Variants in PHF2 observed in about 807,000 individuals in gnomAD.
PHF2 encodes the protein lysine-specific demethylase PHF2.
A neutral mutation model predicts 120.5 loss-of-function variants in PHF2; 27 were observed. That is an observed-to-expected ratio of 0.22 (90% CI 0.17 to 0.31). The LOEUF (loss-of-function observed/expected upper bound fraction) is 0.31, where lower values mean the gene tolerates loss of function less well. PHF2 is among the 10% of genes least tolerant of loss of function. The pLI, the probability that PHF2 is intolerant of heterozygous loss-of-function variation, is 1.00. For synonymous variants in PHF2, 568 were observed against 592.5 expected, an observed-to-expected ratio of 0.96 and a Z score of 0.60; for missense variants, 1,024 against 1,434.8, an observed-to-expected ratio of 0.71 and a Z score of 4.63.
chr9:93,633,850 C>T (rs538630337), intron 2 of PHF2, among the ~76,000 whole-genome samples: 1 of 152,280 alleles, frequency 6.6e-6, no homozygotes, highest in Non-Finnish European at 1.5e-5. Flanking sequence ...CCCCTGCTGG[C>T]TCCCCTCCGT....
intron 1 of PHF2, among the ~76,000 whole-genome samples, chr9:93,591,250 T>C (rs767551303): frequency 3.9e-5 from 6 of 152,240 alleles, no homozygotes; most frequent in Non-Finnish European, 7.3e-5. Flanking sequence ...TTCCTGATCA[T>C]AGTTTCTTCT....
chr9:93,674,693 T>C lies in PHF2; in HGVS notation c.2627-234T>C, dbSNP rs1407424120. On this transcript the variant is annotated intron_variant, in intron 18 of 21. Coordinates refer to ENST00000359246, the MANE Select transcript of PHF2 (RefSeq NM_005392.4). ...TGGGCAGGTAGATGCAGGTGCCTTC[T>C]TGTCTGGAGAGTCCCTGCCCCTCTG... Among the ~76,000 whole-genome samples the C allele has an allele frequency of 7.9e-5, 12 of 152,116 alleles. 1 individual carries two copies. Among genetic ancestry groups the C allele is most frequent in the Admixed American group, 7.9e-4 (12 of 15,284 alleles).
intron 1 of PHF2, among the ~76,000 whole-genome samples, chr9:93,590,733 G>A (rs1220028440): frequency 6.6e-6 from 1 of 152,230 alleles, no homozygotes; most frequent in African/African-American, 2.4e-5. Context: ...CTGCAGGCTT[G>A]CTGGGGCCAC....
At chr9:93,578,902 AT>A (rs1201402531) in intron 1 of PHF2, among the ~76,000 whole-genome samples, 1 of 152,154 alleles carries the variant, frequency 6.6e-6, no homozygotes, top group African/African-American at 2.4e-5. Flanking sequence ...ATTCTCACCT[AT>A]TTGGGGTGGC....
intron 9 of PHF2, 82 bp from the exon 10 acceptor site, chr9:93,658,063 C>A: frequency 1.1e-6 from 1 of 893,496 alleles, no homozygotes; most frequent in Non-Finnish European, 1.8e-6. Context: ...CCTGGCATCC[C>A]CCGGTCTGGC....
intron 4 of PHF2, 69 bp from the exon 5 acceptor site, chr9:93,649,002 C>T: frequency 6.6e-7 from 1 of 1,525,390 alleles, no homozygotes; most frequent in Non-Finnish European, 8.9e-7. Flanking sequence ...GTCCACTCCA[C>T]ACGTCCTGGC....
intron 1 of PHF2, among the ~76,000 whole-genome samples, chr9:93,597,309 G>A (rs1032281874): frequency 6.6e-6 from 1 of 152,154 alleles, no homozygotes; most frequent in African/African-American, 2.4e-5. Context: ...GGCATTCAGG[G>A]TCTTTGGTCT....
At chr9:93,616,154 G>A (rs1304771980) in intron 1 of PHF2, among the ~76,000 whole-genome samples, 3 of 152,138 alleles carry the variant, frequency 2.0e-5, no homozygotes, top group Non-Finnish European at 2.9e-5. Context: ...CCCATCACAG[G>A]AGCACATCAT....
chr9:93,654,692 G>A, intron 7 of PHF2, 117 bp downstream of exon 7: 1 of 975,480 alleles, frequency 1.0e-6, no homozygotes, highest in Non-Finnish European at 1.6e-6. Flanking sequence ...TCCCTGGCAT[G>A]CCTGCTCCCT....
Position 93,614,648 on chromosome 9 carries a change from A to T in PHF2, c.99-15322A>T, listed in dbSNP as rs551345679. On this transcript the variant is annotated intron_variant, in intron 1 of 21. Transcript: ENST00000359246. ...CATAGCACACTTGGGAAGAGAAATG[A>T]AATGTCAACATTCTTTCCACGGAGA... Among the ~76,000 whole-genome samples, 3 of 152,328 alleles carry T rather than the reference A, an allele frequency of 2.0e-5. No individual in the cohort carries two copies. In the South Asian group the frequency reaches 6.2e-4, roughly 32 times the overall value.
intron 1 of PHF2, among the ~76,000 whole-genome samples, chr9:93,622,740 C>T (rs142977966): frequency 6.6e-6 from 1 of 152,288 alleles, no homozygotes; most frequent in East Asian, 1.9e-4. Flanking sequence ...GGGCTCCTGT[C>T]CAAAGGCCCT....
intron 1 of PHF2, among the ~76,000 whole-genome samples, chr9:93,604,772 C>T (rs933878084): frequency 6.6e-6 from 1 of 152,160 alleles, no homozygotes; most frequent in African/African-American, 2.4e-5. Flanking sequence ...TATTCTAGTG[C>T]TCATCCATTT....
intron 1 of PHF2, among the ~76,000 whole-genome samples, chr9:93,621,516 G>T (rs1324144740): frequency 6.6e-6 from 1 of 152,222 alleles, no homozygotes; most frequent in Admixed American, 6.5e-5. Context: ...CCCACAAGGG[G>T]CCCCTCCTTG....
intron 13 of PHF2, 99 bp from the exon 14 acceptor site, chr9:93,663,418 C>T (rs904102504): frequency 3.6e-5 from 28 of 780,806 alleles, no homozygotes; most frequent in Middle Eastern, 3.9e-4. Flanking sequence ...TTTCCTTAGT[C>T]GTGTTCCCAG....
At chr9:93,665,113 C>CA (rs1174945101) in intron 14 of PHF2, among the ~76,000 whole-genome samples, 1 of 152,218 alleles carries the variant, frequency 6.6e-6, no homozygotes, top group East Asian at 1.9e-4. Flanking sequence ...GGCAGGGAGA[C>CA]AAATTACACA....
At chr9:93,579,698 T>C (rs191162473) in intron 1 of PHF2, among the ~76,000 whole-genome samples, 32 of 152,382 alleles carry the variant, frequency 2.1e-4, no homozygotes, top group African/African-American at 7.5e-4. Flanking sequence ...GTAAAATGCC[T>C]GTCTGTCCCA....
intron 5 of PHF2, among the ~76,000 whole-genome samples, chr9:93,652,422 G>GT (rs1826384702): frequency 6.6e-6 from 1 of 151,090 alleles, no homozygotes; most frequent in African/African-American, 2.4e-5. Flanking sequence ...AGTCTCCCAA[G>GT]TAGCTGGGAT....
chr9:93,649,580 C>G (rs1458571622), intron 5 of PHF2, among the ~76,000 whole-genome samples: 1 of 152,102 alleles, frequency 6.6e-6, no homozygotes, highest in Non-Finnish European at 1.5e-5. Flanking sequence ...TGCACACACT[C>G]ATGACACACT....
intron 2 of PHF2, among the ~76,000 whole-genome samples, chr9:93,634,385 G>A (rs1826056567): frequency 6.6e-6 from 1 of 152,142 alleles, no homozygotes; most frequent in South Asian, 2.1e-4. Context: ...GAACATCTCA[G>A]CACACACACC....
Sources: allele counts gnomAD v4.1 joint callset (sites outside exome capture counted in the v4.1 genomes callset), GRCh38; gene constraint gnomAD v4.1.1; transcripts MANE v1.5; gene names NCBI Gene and HGNC (gene_info 2026-07-23, HGNC 2026-07-21).